The following RALGAPA2 variants were observed in gnomAD, a reference collection of about 807,000 sequenced individuals.
RALGAPA2 encodes ral GTPase-activating protein subunit alpha-2.
RALGAPA2 carries 139 observed loss-of-function variants against 230.4 expected under a neutral mutation model. The ratio of observed to expected loss-of-function variants is 0.60; its 90% CI spans 0.53 to 0.69. RALGAPA2 has a LOEUF of 0.69. RALGAPA2 is among the 30% of genes least tolerant of loss of function. The probability of loss-of-function intolerance (pLI) is 0.00; values close to 1 mark genes in which losing one functional copy is unlikely to be tolerated. For missense variants in RALGAPA2, 2,163 were observed against 2,276.0 expected, an observed-to-expected ratio of 0.95 and a Z score of 1.01; for synonymous variants, 847 against 837.8, an observed-to-expected ratio of 1.01 and a Z score of -0.19.
At chr20:20,709,939 T>C (rs999963679) in intron 1 of RALGAPA2, among the ~76,000 whole-genome samples, 18 of 152,210 alleles carry the variant, frequency 1.2e-4, no homozygotes, top group African/African-American at 4.3e-4. Flanking sequence ...GTGGGAGATA[T>C]GTAATGGGAA....
At chr20:20,630,966 C>G (rs1446982543) in intron 9 of RALGAPA2, among the ~76,000 whole-genome samples, 4 of 152,062 alleles carry the variant, frequency 2.6e-5, no homozygotes, top group Non-Finnish European at 2.9e-5. Flanking sequence ...AAGATGACCA[C>G]AAATTCTTTA....
At chr20:20,601,622 C>A in intron 16 of RALGAPA2, 60 bp downstream of exon 16, 2 of 1,533,818 alleles carry the variant, frequency 1.3e-6, no homozygotes, top group Non-Finnish European at 8.9e-7. Context: ...ACACTTTATG[C>A]CTATAAATTT....
At chr20:20,532,924 G>A (rs947483471) in intron 26 of RALGAPA2, among the ~76,000 whole-genome samples, 7 of 152,004 alleles carry the variant, frequency 4.6e-5, no homozygotes, top group Non-Finnish European at 8.8e-5. Flanking sequence ...GAGACTAGCT[G>A]CAGGCTTGGT....
intron 20 of RALGAPA2, among the ~76,000 whole-genome samples, chr20:20,580,893 A>G (rs796130855): frequency 1.3e-5 from 2 of 152,370 alleles, no homozygotes; most frequent in African/African-American, 4.8e-5. Flanking sequence ...AATAAGAAAC[A>G]AAGATATAAT....
At chr20:20,574,606 A>C (rs2064760681) in intron 20 of RALGAPA2, among the ~76,000 whole-genome samples, 1 of 152,204 alleles carries the variant, frequency 6.6e-6, no homozygotes, top group Admixed American at 6.5e-5. Context: ...CCACTTAAAG[A>C]ATGATGTATT....
chr20:20,605,631 T>C (rs1336715548), intron 14 of RALGAPA2, among the ~76,000 whole-genome samples: 1 of 152,170 alleles, frequency 6.6e-6, no homozygotes, highest in Non-Finnish European at 1.5e-5. Flanking sequence ...AAGTTACTGA[T>C]TCAATATTGT....
Position 20,577,885 on chromosome 20 carries a change from T to C in RALGAPA2, c.2708-4817A>G, listed in dbSNP as rs114808371. Among the ~76,000 whole-genome samples, 1,094 of 152,238 alleles carry C rather than the reference T, an allele frequency of 7.2e-3. 10 individuals are homozygous for C. Among genetic ancestry groups the C allele is most frequent in the African/African-American group, 0.025 (1,050 of 41,552 alleles). On this transcript the variant is annotated intron_variant, in intron 20 of 39. Coordinates refer to ENST00000202677, the MANE Select transcript of RALGAPA2 (RefSeq NM_020343.4). ...AAAATGTAGCTATCCAAAACAGAGA[T>C]TGGTCCCCAGCATCCCAATCACACT...
chr20:20,549,474 C>A (rs549940634), intron 23 of RALGAPA2, among the ~76,000 whole-genome samples: 2 of 152,052 alleles, frequency 1.3e-5, no homozygotes, highest in African/African-American at 2.4e-5. Context: ...CGTAAGACAG[C>A]GCCCTGAGGA....
chr20:20,571,597 T>C lies in RALGAPA2; in HGVS notation c.3017A>G (p.Asn1006Ser), dbSNP rs1234765338. 3 of 1,610,912 alleles carry C rather than the reference T, an allele frequency of 1.9e-6. No individual in the cohort carries two copies. Among genetic ancestry groups the C allele is most frequent in the Non-Finnish European group, 1.7e-6 (2 of 1,178,550 alleles). Reference protein sequence around the residue: ...SWLFKAATLPNEYKEGKLQAY... With the variant: ...SWLFKAATLPSEYKEGKLQAY... Reference sequence around the variant, plus strand: ...TTGTAGTTTGCCTTCCTTATATTCATTTGGCAGTGTCGCCGCCTGTCAAGG... The same window carrying C: ...TTGTAGTTTGCCTTCCTTATATTCACTTGGCAGTGTCGCCGCCTGTCAAGG... Residue 1006 changes from asparagine (N) to serine (S), a missense_variant, in exon 23 of 40, where the codon AAT becomes AGT. Asn to Ser is a conservative substitution (Grantham distance 46). Transcript: ENST00000202677.
In RALGAPA2 at chr20:20,629,258, T is replaced by C; in HGVS notation, c.1233+105A>G. On this transcript the variant is annotated intron_variant, in intron 10 of 39. Transcript: ENST00000202677. ...AACATAACCCAACTCACCAATTCTA[T>C]TTGTTGGCGTGTTACAAGTAAAAGA... 5 of 891,376 alleles carry C rather than the reference T, an allele frequency of 5.6e-6. No homozygotes were observed. In the South Asian group the frequency reaches 7.8e-5, roughly 14 times the overall value. 55.2% of individuals were successfully genotyped at this position (891,376 alleles called of 1,614,324 possible). A position where few individuals can be genotyped will look rare whatever the true frequency, so the allele number is the denominator to read the frequency against.
At chr20:20,477,381 C>T (rs1054574832) in intron 36 of RALGAPA2, among the ~76,000 whole-genome samples, 1 of 152,120 alleles carries the variant, frequency 6.6e-6, no homozygotes, top group Non-Finnish European at 1.5e-5. Context: ...TGACCATATC[C>T]TCAGCCAAGG....
chr20:20,453,417 C>T (rs1394888415), intron 37 of RALGAPA2, among the ~76,000 whole-genome samples: 1 of 152,098 alleles, frequency 6.6e-6, no homozygotes, highest in Non-Finnish European at 1.5e-5. Context: ...GATGTGTGCA[C>T]ATCTGGGTGC....
At chr20:20,525,234 A>C (rs1395390152) in intron 28 of RALGAPA2, among the ~76,000 whole-genome samples, 1 of 152,194 alleles carries the variant, frequency 6.6e-6, no homozygotes, top group Admixed American at 6.5e-5. Context: ...TAATTATGAA[A>C]ATGCTCCCAT....
chr20:20,551,682 T>C (rs1447811985), intron 23 of RALGAPA2, among the ~76,000 whole-genome samples: 2 of 152,218 alleles, frequency 1.3e-5, no homozygotes, highest in African/African-American at 4.8e-5. Context: ...TTTAATTGAA[T>C]GCTATGTACA....
intron 16 of RALGAPA2, among the ~76,000 whole-genome samples, chr20:20,591,709 T>C (rs12479855): frequency 0.033 from 4,986 of 150,190 alleles, 101 homozygotes; most frequent in South Asian, 0.061. Context: ...CACACACACA[T>C]ACACCCTGAA....
chr20:20,636,442 T>C (rs1241443177), intron 8 of RALGAPA2, among the ~76,000 whole-genome samples: 1 of 152,182 alleles, frequency 6.6e-6, no homozygotes, highest in Non-Finnish European at 1.5e-5. Context: ...TGAAAAAATA[T>C]TCACATATAT....
chr20:20,565,785 C>T (rs953509524), intron 23 of RALGAPA2, among the ~76,000 whole-genome samples: 1 of 152,214 alleles, frequency 6.6e-6, no homozygotes, highest in Non-Finnish European at 1.5e-5. Flanking sequence ...TGCTCAAGTG[C>T]ATTCAGCAAC....
chr20:20,481,361 TC>T (rs1402863757), intron 36 of RALGAPA2, among the ~76,000 whole-genome samples: 1 of 152,220 alleles, frequency 6.6e-6, no homozygotes, highest in East Asian at 1.9e-4. Context: ...TGAACTCTGT[TC>T]CAATTCCTCA....
chr20:20,461,210 A>G (rs2061294503), intron 37 of RALGAPA2, among the ~76,000 whole-genome samples: 1 of 152,336 alleles, frequency 6.6e-6, no homozygotes, highest in East Asian at 1.9e-4. Flanking sequence ...AGAGGCATAC[A>G]TTCTATTTTT....
Sources: gnomAD v4.1 joint callset for allele counts (sites outside exome capture counted in the v4.1 genomes callset) on GRCh38, gnomAD v4.1.1 for gene constraint, MANE v1.5 for transcripts, NCBI Gene and HGNC (gene_info 2026-07-23, HGNC 2026-07-21) for gene names.